ZFAND6: variants seen among roughly 807,000 people sequenced by gnomAD.
ZFAND6 encodes zinc finger AN1-type containing 6.
In ZFAND6, 12 loss-of-function variants were observed where a neutral mutation model predicts 24.5. That is an observed-to-expected ratio of 0.49 (90% CI 0.31 to 0.79). The LOEUF is 0.79. ZFAND6 is among the 30% of genes least tolerant of loss of function. ZFAND6 has a pLI of 0.04. For synonymous variants in ZFAND6, 92 were observed against 81.5 expected, an observed-to-expected ratio of 1.13 and a Z score of -0.69; for missense variants, 207 against 245.9, an observed-to-expected ratio of 0.84 and a Z score of 1.06.
chr15:80,109,597 A>T (rs1296557873), intron 2 of ZFAND6, among the ~76,000 whole-genome samples: 1 of 152,190 alleles, frequency 6.6e-6, no homozygotes, highest in African/African-American at 2.4e-5. Context: ...AAGTCATGTA[A>T]TGGGGGACCA....
intron 3 of ZFAND6, 74 bp downstream of exon 3, chr15:80,120,572 T>G: frequency 1.6e-6 from 2 of 1,232,168 alleles, no homozygotes; most frequent in Non-Finnish European, 2.1e-6. Flanking sequence ...ACCCAATACC[T>G]TTTTCTGCTC....
chr15:80,059,246 T>G (rs1225177292), upstream of ZFAND6, among the ~76,000 whole-genome samples: 1 of 152,206 alleles, frequency 6.6e-6, no homozygotes, highest in Admixed American at 6.5e-5. Flanking sequence ...AGTGCAACTC[T>G]TTTTGGTGCC....
upstream of ZFAND6, among the ~76,000 whole-genome samples, chr15:80,059,073 C>G (rs74025975): frequency 0.018 from 2,673 of 152,346 alleles, 87 homozygotes; most frequent in African/African-American, 0.06. Context: ...TGTGCATGCA[C>G]GCTTCTCGTC....
At chr15:80,091,636 TAAAA>T (rs201061212) in intron 1 of ZFAND6, among the ~76,000 whole-genome samples, 2 of 146,930 alleles carry the variant, frequency 1.4e-5, no homozygotes, top group Non-Finnish European at 3.0e-5. Flanking sequence ...TATTTACTAT[TAAAA>T]AAAAAACTTT....
At chr15:80,103,707 C>A (rs984624339) in intron 2 of ZFAND6, among the ~76,000 whole-genome samples, 1 of 152,130 alleles carries the variant, frequency 6.6e-6, no homozygotes, top group African/African-American at 2.4e-5. Flanking sequence ...AATTTGTAAC[C>A]CATTCTGCCT....
chr15:80,082,368 A>G (rs1380141036), intron 1 of ZFAND6, among the ~76,000 whole-genome samples: 1 of 152,258 alleles, frequency 6.6e-6, no homozygotes, highest in Non-Finnish European at 1.5e-5. Flanking sequence ...GAGATAGGAA[A>G]AATTGACAAA....
chr15:80,103,962 C>T (rs529878768), intron 2 of ZFAND6, among the ~76,000 whole-genome samples: 1 of 152,102 alleles, frequency 6.6e-6, no homozygotes, highest in South Asian at 2.1e-4. Context: ...GGTTCTCCCA[C>T]CATAGGCTCC....
chr15:80,069,642 A>G (rs973160164), intron 1 of ZFAND6, among the ~76,000 whole-genome samples: 4 of 151,662 alleles, frequency 2.6e-5, no homozygotes, highest in African/African-American at 9.7e-5. Context: ...TTATTTATTT[A>G]TTTATTTAGA....
chr15:80,067,105 G>C (rs1436264955), intron 1 of ZFAND6, among the ~76,000 whole-genome samples: 2 of 152,154 alleles, frequency 1.3e-5, no homozygotes, highest in Non-Finnish European at 2.9e-5. Flanking sequence ...CTTTGAATTT[G>C]ACAGAAGATT....
intron 1 of ZFAND6, among the ~76,000 whole-genome samples, chr15:80,091,699 G>T (rs75534942): frequency 6.6e-6 from 1 of 151,944 alleles, no homozygotes; most frequent in Non-Finnish European, 1.5e-5. Flanking sequence ...GAGTGCAGAC[G>T]CACAATCATA....
chr15:80,066,487 AT>A, intron 1 of ZFAND6, among the ~76,000 whole-genome samples: 1 of 151,916 alleles, frequency 6.6e-6, no homozygotes, highest in Non-Finnish European at 1.5e-5. Context: ...TAATTTTTGT[AT>A]TTTTAGTAGA....
chr15:80,096,883 G>C (rs2038754613), intron 1 of ZFAND6, among the ~76,000 whole-genome samples: 3 of 151,938 alleles, frequency 2.0e-5, no homozygotes, highest in African/African-American at 7.3e-5. Flanking sequence ...ACTTACAGTT[G>C]TATTAAAAAA....
rs1354001607 is a variant in ZFAND6 at position 80,122,868 on chromosome 15, T to C, written c.364+68T>C. On this transcript the variant is annotated intron_variant, in intron 5 of 6. Coordinates refer to ENST00000261749, the MANE Select transcript of ZFAND6 (RefSeq NM_019006.4). Reference sequence around the variant, plus strand: ...TAGGCCAGACACTATCCTAGGTGCATGTATAAAAAAATTGCCAGCTTAAAA... The same window carrying C: ...TAGGCCAGACACTATCCTAGGTGCACGTATAAAAAAATTGCCAGCTTAAAA... 6.3e-6 allele frequency: 8 copies of C among 1,277,298 alleles called. No homozygotes were observed. The East Asian group carries it at 1.7e-4, about 27-fold the overall frequency. 79.1% of individuals were successfully genotyped at this position (1,277,298 alleles called of 1,614,324 possible). A position where few individuals can be genotyped will look rare whatever the true frequency, so the allele number is the denominator to read the frequency against.
chr15:80,120,974 G>A (rs901524566), intron 3 of ZFAND6, among the ~76,000 whole-genome samples: 1 of 152,118 alleles, frequency 6.6e-6, no homozygotes, highest in African/African-American at 2.4e-5. Flanking sequence ...GTTCACTAGG[G>A]TTTTTTATGC....
At chr15:80,061,286 A>G (rs748144288) in intron 1 of ZFAND6, among the ~76,000 whole-genome samples, 41 of 152,214 alleles carry the variant, frequency 2.7e-4, no homozygotes, top group East Asian at 7.7e-4. Context: ...GGGTGTATGC[A>G]TATGTCAGAA....
intron 1 of ZFAND6, among the ~76,000 whole-genome samples, chr15:80,072,224 A>G (rs2037017019): frequency 1.3e-5 from 2 of 152,094 alleles, no homozygotes; most frequent in African/African-American, 4.8e-5. Flanking sequence ...CTTCACCTTC[A>G]TTGCTCCATA....
intron 2 of ZFAND6, chr15:80,112,700 T>A (rs2039670777): frequency 2.0e-5 from 9 of 448,498 alleles, no homozygotes; most frequent in Admixed American, 1.5e-4. Flanking sequence ...CTGGCCAGAT[T>A]TTTTTTATCA....
At chr15:80,110,883 A>G (rs182710186) in intron 2 of ZFAND6, among the ~76,000 whole-genome samples, 3 of 152,214 alleles carry the variant, frequency 2.0e-5, no homozygotes, top group African/African-American at 7.2e-5. Context: ...AGCTTCTCAC[A>G]TGCCCAGCCT....
At chr15:80,137,409 C>T (rs2040913553) in intron 6 of ZFAND6, 71 bp from the exon 7 acceptor site, 1 of 1,509,368 alleles carries the variant, frequency 6.6e-7, no homozygotes, top group Non-Finnish European at 8.9e-7. Context: ...TTGTGCTGTT[C>T]AGTATTAATT....
Sources: allele counts gnomAD v4.1 joint callset (sites outside exome capture counted in the v4.1 genomes callset), GRCh38; gene constraint gnomAD v4.1.1; transcripts MANE v1.5; gene names NCBI Gene and HGNC (gene_info 2026-07-23, HGNC 2026-07-21).